VWC2L: variants seen among roughly 807,000 people sequenced by gnomAD.
The protein encoded by VWC2L is von Willebrand factor C domain-containing protein 2-like.
Under a neutral mutation model 21.6 loss-of-function variants are expected in VWC2L, and 10 were observed. The observed-to-expected ratio is 0.46, with a 90% CI of 0.29 to 0.78. The LOEUF is 0.78. Ranked by LOEUF, VWC2L falls within the 30% of genes least tolerant of loss-of-function variation. VWC2L has a pLI of 0.10. For synonymous variants in VWC2L, 96 were observed against 94.3 expected (o/e 1.02, Z -0.10); for missense variants, 209 against 277.1 (o/e 0.75, Z 1.74).
rs111957195 is a variant in VWC2L at position 214,465,916 on chromosome 2, G to A, written c.520+29158G>A. Among the ~76,000 whole-genome samples the A allele has an allele frequency of 1.8e-3, 279 of 152,232 alleles. 1 individual carries two copies. The highest frequency in any genetic ancestry group is 2.8e-3 in the Non-Finnish European group (188 of 68,016). On this transcript the variant is annotated intron_variant, in intron 3 of 3. Coordinates refer to ENST00000312504, the MANE Select transcript of VWC2L (RefSeq NM_001080500.4). Reference sequence around the variant, plus strand: ...GCTTTCTGCTGTGACAGGGCACTGAGTTCCAATGCAAAGTTGCACAATCGC... The same window carrying A: ...GCTTTCTGCTGTGACAGGGCACTGAATTCCAATGCAAAGTTGCACAATCGC...
intron 3 of VWC2L, among the ~76,000 whole-genome samples, chr2:214,570,753 C>T (rs987829344): frequency 5.3e-5 from 8 of 152,216 alleles, no homozygotes; most frequent in Admixed American, 3.9e-4. Context: ...GCTCCAACTC[C>T]CAGTAAAAGA....
At chr2:214,444,196 T>G (rs966597818) in intron 3 of VWC2L, among the ~76,000 whole-genome samples, 2 of 152,044 alleles carry the variant, frequency 1.3e-5, no homozygotes, top group Non-Finnish European at 2.9e-5. Context: ...AAAGCAGGTT[T>G]GTAGAACAAA....
chr2:214,502,179 T>A (rs1688902316), intron 3 of VWC2L, among the ~76,000 whole-genome samples: 1 of 152,242 alleles, frequency 6.6e-6, no homozygotes, highest in South Asian at 2.1e-4. Context: ...CAATGAGTAT[T>A]ACCATTGAAC....
At chr2:214,481,401 G>C (rs1161076875) in intron 3 of VWC2L, among the ~76,000 whole-genome samples, 1 of 152,190 alleles carries the variant, frequency 6.6e-6, no homozygotes, top group Non-Finnish European at 1.5e-5. Context: ...TGACAGCTAG[G>C]ACTGGGATCT....
At chr2:214,492,197 T>C (rs1390961462) in intron 3 of VWC2L, among the ~76,000 whole-genome samples, 1 of 151,996 alleles carries the variant, frequency 6.6e-6, no homozygotes, top group Non-Finnish European at 1.5e-5. Flanking sequence ...ATGTACCAAA[T>C]GACATGGGGT....
chr2:214,538,477 G>A (rs780160544), intron 3 of VWC2L, among the ~76,000 whole-genome samples: 1 of 151,822 alleles, frequency 6.6e-6, no homozygotes, highest in Non-Finnish European at 1.5e-5. Context: ...AGTGCTGTGG[G>A]TAAAAAAATA....
At chr2:214,573,242 TACAC>T (rs139028593) in intron 3 of VWC2L, among the ~76,000 whole-genome samples, 3 of 151,036 alleles carry the variant, frequency 2.0e-5, no homozygotes, top group African/African-American at 4.9e-5. Context: ...CACATACACA[TACAC>T]ACACACACAC....
chr2:214,487,915 G>C (rs978302320), intron 3 of VWC2L, among the ~76,000 whole-genome samples: 1 of 152,166 alleles, frequency 6.6e-6, no homozygotes, highest in Non-Finnish European at 1.5e-5. Context: ...CAAACAGTCA[G>C]GTCTCACAGA....
intron 2 of VWC2L, among the ~76,000 whole-genome samples, chr2:214,419,713 T>C (rs1038273904): frequency 1.3e-5 from 2 of 152,202 alleles, no homozygotes; most frequent in African/African-American, 2.4e-5. Flanking sequence ...GAATTCTATA[T>C]TCGAAAGGTG....
At chr2:214,445,037 A>G (rs1015011481) in intron 3 of VWC2L, among the ~76,000 whole-genome samples, 20 of 151,952 alleles carry the variant, frequency 1.3e-4, no homozygotes, top group Non-Finnish European at 1.9e-4. Flanking sequence ...AAGTTTTTTC[A>G]TATATTAAAA....
At chr2:214,430,585 A>G (rs1219716750) in intron 2 of VWC2L, among the ~76,000 whole-genome samples, 2 of 152,086 alleles carry the variant, frequency 1.3e-5, no homozygotes, top group African/African-American at 2.4e-5. Context: ...TTTATTACCT[A>G]CCTAGTTTAT....
At chr2:214,537,723 A>C (rs2105919376) in intron 3 of VWC2L, among the ~76,000 whole-genome samples, 1 of 152,236 alleles carries the variant, frequency 6.6e-6, no homozygotes, top group Middle Eastern at 3.4e-3. Flanking sequence ...ATAACATTGT[A>C]ATCTGTCACA....
chr2:214,578,827 G>A lies in VWC2L; in HGVS notation c.*3007G>A. On this transcript the variant is annotated 3_prime_UTR_variant, in exon 4 of 4. Transcript: ENST00000312504. ...AAACGATTCAGTTTCTAAAATCTTT[G>A]AAAAATGGCGTGCCTGAAAACTAGT... 6.7e-6 allele frequency: 1 copy of A among 149,682 alleles called. No homozygotes were observed. The allele number at this position is 149,682 out of a possible 1,614,324, so 9.3% of individuals were successfully genotyped here. A position where few individuals can be genotyped will look rare whatever the true frequency, so the allele number is the denominator to read the frequency against.
intron 3 of VWC2L, among the ~76,000 whole-genome samples, chr2:214,441,753 T>A (rs1424305306): frequency 2.0e-5 from 3 of 152,024 alleles, no homozygotes; most frequent in Non-Finnish European, 4.4e-5. Flanking sequence ...TGATATTTTT[T>A]ACTGCCATGT....
chr2:214,461,900 G>C (rs1189532215), intron 3 of VWC2L, among the ~76,000 whole-genome samples: 1 of 152,202 alleles, frequency 6.6e-6, no homozygotes, highest in East Asian at 1.9e-4. Context: ...ACCTCAGAAA[G>C]CTGGCTTTTA....
At chr2:214,535,096 A>G (rs1689505467) in intron 3 of VWC2L, among the ~76,000 whole-genome samples, 1 of 152,116 alleles carries the variant, frequency 6.6e-6, no homozygotes, top group Non-Finnish European at 1.5e-5. Flanking sequence ...AAATGATCCT[A>G]GGAGTTTGCT....
rs186320900 is a variant in VWC2L at position 214,466,415 on chromosome 2, T to G, written c.520+29657T>G. Reference sequence around the variant, plus strand: ...CCTAGCTGCTTTTAATGTTTCTCTATCACTGCTTTTGTGGAATATGTGTCT... The same window carrying G: ...CCTAGCTGCTTTTAATGTTTCTCTAGCACTGCTTTTGTGGAATATGTGTCT... On this transcript the variant is annotated intron_variant, in intron 3 of 3. Transcript: ENST00000312504. Among the ~76,000 whole-genome samples, 5 of 152,318 alleles carry G rather than the reference T, an allele frequency of 3.3e-5. No homozygotes were observed. The East Asian group carries it at 9.6e-4, about 29-fold the overall frequency.
chr2:214,461,752 G>A (rs2126188896), intron 3 of VWC2L, among the ~76,000 whole-genome samples: 1 of 152,294 alleles, frequency 6.6e-6, no homozygotes, highest in East Asian at 1.9e-4. Flanking sequence ...GCAATCCCCA[G>A]GTTCCCTAAC....
At position 214,577,532 on chromosome 2, in the gene VWC2L, A is replaced by G. The variant is rs1690249749; in HGVS notation, c.*1712A>G. 6.6e-6 allele frequency: 1 copy of G among 152,220 alleles called. No individual in the cohort carries two copies. The highest frequency in any genetic ancestry group is 2.4e-5 in the African/African-American group (1 of 41,398). 9.4% of individuals were successfully genotyped at this position (152,220 alleles called of 1,614,324 possible). A position where few individuals can be genotyped will look rare whatever the true frequency, so the allele number is the denominator to read the frequency against. On this transcript the variant is annotated 3_prime_UTR_variant, in exon 4 of 4. Coordinates refer to ENST00000312504, the MANE Select transcript of VWC2L (RefSeq NM_001080500.4). ...CAGTGGTCTAGAATAATCAGTATAGAGTGGTTTCTGGCAGGGGACACAGTA... is the reference window on the plus strand; with the variant it reads ...CAGTGGTCTAGAATAATCAGTATAGGGTGGTTTCTGGCAGGGGACACAGTA...
Sources: allele counts gnomAD v4.1 joint callset (sites outside exome capture counted in the v4.1 genomes callset), GRCh38; gene constraint gnomAD v4.1.1; transcripts MANE v1.5; gene names NCBI Gene and HGNC (gene_info 2026-07-23, HGNC 2026-07-21).